Variants in MOV10L1 observed in about 807,000 individuals in gnomAD.
The protein encoded by MOV10L1 is Mov10 like RNA helicase 1, also known as RNA helicase Mov10l1.
A neutral mutation model predicts 143.8 loss-of-function variants in MOV10L1; 110 were observed. The observed-to-expected ratio is 0.76, with a 90% CI of 0.66 to 0.90. The LOEUF (loss-of-function observed/expected upper bound fraction) is 0.90, where lower values mean the gene tolerates loss of function less well. MOV10L1 is among the 40% of genes least tolerant of loss of function. The pLI is 0.00. For synonymous variants in MOV10L1, 593 were observed against 581.1 expected (o/e 1.02, Z -0.29); for missense variants, 1,406 against 1,526.8 (o/e 0.92, Z 1.32).
At position 50,118,182 on chromosome 22, in the gene MOV10L1, A is replaced by G. The variant is rs182661817; in HGVS notation, c.1454+831A>G. Among the ~76,000 whole-genome samples, 303 of 152,298 alleles carry G rather than the reference A, an allele frequency of 2.0e-3. 1 individual carries two copies. The highest frequency in any genetic ancestry group is 3.4e-3 in the Non-Finnish European group (233 of 68,012). ...CAGACTAAAGGGAAAACCTGTTACC[A>G]GGGAAGAATATCATGTGGTTGTTTA... is the stretch of plus-strand genomic sequence containing the variant. On this transcript the variant is annotated intron_variant, in intron 9 of 26. Transcript: ENST00000262794.
At chr22:50,142,418 G>A (rs1002447550) in intron 16 of MOV10L1, among the ~76,000 whole-genome samples, 1 of 152,122 alleles carries the variant, frequency 6.6e-6, no homozygotes, top group African/African-American at 2.4e-5. Context: ...CTGCAGATGT[G>A]GACATTTTTT....
chr22:50,116,616 C>G (rs2062185134), intron 8 of MOV10L1, among the ~76,000 whole-genome samples: 1 of 146,966 alleles, frequency 6.8e-6, no homozygotes, highest in Non-Finnish European at 1.5e-5. Context: ...TTTTCCTACT[C>G]TTATATGTGT....
At chr22:50,100,213 G>A (rs541670842) in intron 3 of MOV10L1, among the ~76,000 whole-genome samples, 94 of 152,136 alleles carry the variant, frequency 6.2e-4, no homozygotes, top group African/African-American at 2.1e-3. Context: ...GGCTGGTCTC[G>A]AACTCTTGAC....
Position 50,149,611 on chromosome 22 carries a change from C to T in MOV10L1, c.2628-4C>T, listed in dbSNP as rs777066466. Reference sequence around the variant, plus strand: ...AATTACCATTTAGAACATCTTTGCTCTAGAGTTGGGCACTTCACTCACGTG... The same window carrying T: ...AATTACCATTTAGAACATCTTTGCTTTAGAGTTGGGCACTTCACTCACGTG... On this transcript the variant is annotated splice_region_variant and splice_polypyrimidine_tract_variant and intron_variant, in intron 19 of 26. Coordinates refer to ENST00000262794, the MANE Select transcript of MOV10L1 (RefSeq NM_018995.3). 12 of 1,614,014 alleles carry T rather than the reference C, an allele frequency of 7.4e-6. No homozygotes were observed. In the South Asian group the frequency reaches 7.7e-5, roughly 10 times the overall value.
rs768649775 is a variant in MOV10L1 at position 50,161,429 on chromosome 22, A to ACC, written c.3616_3617insCC (p.Lys1206ThrfsTer81). ...GGTGCCAGAATCCACAGGACCAGAG[A>ACC]AGCATCAGGAGCCCAGCTGATCTGC... On this transcript the variant is annotated frameshift_variant, in exon 27 of 27. Coordinates refer to ENST00000262794, the MANE Select transcript of MOV10L1 (RefSeq NM_018995.3). LOFTEE classifies it low-confidence loss of function (END_TRUNC). 6.3e-7 allele frequency: 1 copy of ACC among 1,596,978 alleles called. No homozygotes were observed. The highest frequency in any genetic ancestry group is 8.5e-7 in the Non-Finnish European group (1 of 1,171,806).
At chr22:50,095,160 AGAC>A (rs2062557053) in intron 2 of MOV10L1, 1 of 152,216 alleles carries the variant, frequency 6.6e-6, no homozygotes, top group African/African-American at 2.4e-5. Context: ...TCTGGCTTAG[AGAC>A]TGTGAATGCA....
intron 10 of MOV10L1, 52 bp from the exon 11 acceptor site, chr22:50,125,340 C>G (rs1289266871): frequency 3.2e-6 from 5 of 1,560,380 alleles, no homozygotes; most frequent in African/African-American, 1.4e-5. Flanking sequence ...CTGCTACTTT[C>G]CAGAGTGCTG....
At chr22:50,144,644 T>A (rs550240204) in intron 18 of MOV10L1, among the ~76,000 whole-genome samples, 1 of 151,988 alleles carries the variant, frequency 6.6e-6, no homozygotes, top group African/African-American at 2.4e-5. Context: ...TGCAGTGGCA[T>A]GATCTCGGCT....
rs1216493764 is a variant in MOV10L1, at chr22:50,122,793, A to AT, written c.1569+2180dup. 9.9e-5 allele frequency among the ~76,000 whole-genome samples: 10 copies of AT among 101,088 alleles called. No homozygotes were observed. In the South Asian group the frequency reaches 2.5e-3, roughly 25 times the overall value. 66.3% of individuals were successfully genotyped at this position (101,088 alleles called of 152,430 possible). On this transcript the variant is annotated intron_variant, in intron 10 of 26. Transcript: ENST00000262794. ...CTCTTTTTTATTTATTTATTTATTT[A>AT]TTTATTTTTGAGACAGGCTCTCCTG...
chr22:50,142,296 C>T (rs931753265), intron 16 of MOV10L1, 107 bp downstream of exon 16: 4 of 800,092 alleles, frequency 5.0e-6, no homozygotes, highest in African/African-American at 3.6e-5. Flanking sequence ...CAGTAGGGGG[C>T]GTGTGGCCTG....
At chr22:50,134,114 A>G (rs756733803) in intron 14 of MOV10L1, 49 bp downstream of exon 14, 2 of 1,461,692 alleles carry the variant, frequency 1.4e-6, no homozygotes, top group Admixed American at 4.4e-5. Context: ...GAGTATTTTT[A>G]TAGGCTTCAT....
chr22:50,093,378 A>T (rs543532380), intron 2 of MOV10L1: 3 of 152,204 alleles, frequency 2.0e-5, no homozygotes, highest in Non-Finnish European at 4.4e-5. Context: ...TTATAGTTTC[A>T]TTTTTTGTAG....
chr22:50,155,999 C>A (rs565537619), intron 22 of MOV10L1, among the ~76,000 whole-genome samples: 2 of 152,172 alleles, frequency 1.3e-5, no homozygotes, highest in African/African-American at 2.4e-5. Flanking sequence ...TTGCAGTGAA[C>A]TGTGATCATG....
At position 50,151,200 on chromosome 22, in the gene MOV10L1, TCTC is replaced by T. The variant is rs200294281; in HGVS notation, c.2892+305_2892+307del. Among the ~76,000 whole-genome samples the T allele has an allele frequency of 9.1e-3, 1,388 of 152,362 alleles. 20 individuals carry two copies. The highest frequency in any genetic ancestry group is 0.037 in the East Asian group (194 of 5,188). ...TGCCCTAGAGTGACTGCAGGCAGTGTCTCCTCAGTGGTCTCTGACCCCAAGGTC... is the reference window on the plus strand; with the variant it reads ...TGCCCTAGAGTGACTGCAGGCAGTGTCTCAGTGGTCTCTGACCCCAAGGTC... On this transcript the variant is annotated intron_variant, in intron 21 of 26. Transcript: ENST00000262794.
At chr22:50,090,241 G>A (rs1044262581) in intron 1 of MOV10L1, 56 bp downstream of exon 1, 2 of 1,401,884 alleles carry the variant, frequency 1.4e-6, no homozygotes, top group Non-Finnish European at 9.3e-7. Flanking sequence ...TGTCGGCCAC[G>A]AGGGAGCCGC....
chr22:50,113,164 G>A (rs2062069317), intron 5 of MOV10L1, among the ~76,000 whole-genome samples: 1 of 152,176 alleles, frequency 6.6e-6, no homozygotes, highest in African/African-American at 2.4e-5. Flanking sequence ...TTAGGGAAAG[G>A]TAAAATCTCA....
intron 1 of MOV10L1, chr22:50,090,449 G>A (rs767463723): frequency 2.5e-6 from 4 of 1,603,998 alleles, no homozygotes; most frequent in East Asian, 2.2e-5. Context: ...GTGTGTTTAC[G>A]CCGAGCAGCT....
At chr22:50,145,904 ACT>A in intron 19 of MOV10L1, 94 bp downstream of exon 19, 8 of 1,547,736 alleles carry the variant, frequency 5.2e-6, no homozygotes, top group Non-Finnish European at 7.0e-6. Context: ...TGACCCAGAG[ACT>A]CAGTGCTCAG....
At chr22:50,142,390 T>G (rs894545740) in intron 16 of MOV10L1, among the ~76,000 whole-genome samples, 4 of 152,314 alleles carry the variant, frequency 2.6e-5, no homozygotes, top group South Asian at 2.1e-4. Flanking sequence ...GATTCTGGGT[T>G]GTTTTTTTCC....
Sources: gnomAD v4.1 joint callset for allele counts (sites outside exome capture counted in the v4.1 genomes callset) on GRCh38, gnomAD v4.1.1 for gene constraint, MANE v1.5 for transcripts, NCBI Gene and HGNC (gene_info 2026-07-23, HGNC 2026-07-21) for gene names.